The following GFRA1 variants were observed in gnomAD, a reference collection of about 807,000 sequenced individuals.
The protein encoded by GFRA1 is GDNF family receptor alpha-1.
GFRA1 carries 16 observed loss-of-function variants against 51.6 expected under a neutral mutation model. That is an observed-to-expected ratio of 0.31 (90% CI 0.21 to 0.47). The LOEUF (loss-of-function observed/expected upper bound fraction) is 0.47. Among genes scored for constraint, GFRA1 ranks in the 20% least tolerant of loss-of-function variants. The pLI, the probability that GFRA1 is intolerant of heterozygous loss-of-function variation, is 1.00. For synonymous variants in GFRA1, 270 were observed against 241.3 expected (o/e 1.12, Z -1.10); for missense variants, 530 against 594.3 (o/e 0.89, Z 1.13).
intron 6 of GFRA1, among the ~76,000 whole-genome samples, chr10:116,114,566 T>G (rs1233342310): frequency 6.6e-6 from 1 of 152,160 alleles, no homozygotes; most frequent in Non-Finnish European, 1.5e-5. Context: ...TTAATTTTTA[T>G]TTTTAATTTT....
chr10:116,253,344 A>G (rs1466377163), intron 4 of GFRA1, among the ~76,000 whole-genome samples: 4 of 152,190 alleles, frequency 2.6e-5, no homozygotes, highest in African/African-American at 9.6e-5. Context: ...GCGGTGGCTC[A>G]TGCCTGTAAA....
chr10:116,088,120 C>T (rs1956173295), intron 9 of GFRA1, among the ~76,000 whole-genome samples: 2 of 152,200 alleles, frequency 1.3e-5, no homozygotes, highest in South Asian at 2.1e-4. Flanking sequence ...AGGACAGAGA[C>T]ATAAGCTCAG....
chr10:116,257,259 G>A (rs553306833), intron 4 of GFRA1, among the ~76,000 whole-genome samples: 1 of 152,222 alleles, frequency 6.6e-6, no homozygotes, highest in South Asian at 2.1e-4. Flanking sequence ...GTCCCTGTCT[G>A]CTCTGCTGTC....
At chr10:116,096,198 A>G (rs1291538932) in intron 7 of GFRA1, among the ~76,000 whole-genome samples, 1 of 152,158 alleles carries the variant, frequency 6.6e-6, no homozygotes, top group Non-Finnish European at 1.5e-5. Context: ...GGGCCCCTGT[A>G]TTTAGGGTTT....
intron 5 of GFRA1, among the ~76,000 whole-genome samples, chr10:116,190,100 G>C (rs3781547): frequency 0.18 from 27,170 of 152,104 alleles, 2,605 homozygotes; most frequent in Admixed American, 0.28. Flanking sequence ...AGCCAACATG[G>C]CACTGGACAC....
At chr10:116,065,726 A>G in intron 9 of GFRA1, 100 bp from the exon 10 acceptor site, 1 of 866,064 alleles carries the variant, frequency 1.2e-6, no homozygotes, top group Non-Finnish European at 1.9e-6. Context: ...TCTGATAAAT[A>G]TGTGAGACAC....
chr10:116,088,161 G>C (rs1956174563), intron 9 of GFRA1, among the ~76,000 whole-genome samples: 1 of 152,146 alleles, frequency 6.6e-6, no homozygotes, highest in African/African-American at 2.4e-5. Context: ...CCAAGATGAA[G>C]AGGGGTCTCG....
rs188367028 is a variant in GFRA1 at position 116,070,136 on chromosome 10, A to G, written c.1198-4510T>C. The stretch of plus-strand genomic sequence containing the variant: ...CAACAGACTGTCCAGTCTGCAGCCA[A>G]ATAGTCATAATTAATGATGCTCTGG... On this transcript the variant is annotated intron_variant, in intron 9 of 10. Coordinates refer to ENST00000355422, the MANE Select transcript of GFRA1 (RefSeq NM_005264.8). 2.7e-3 allele frequency among the ~76,000 whole-genome samples: 418 copies of G among 152,312 alleles called. 5 individuals carry two copies. Among genetic ancestry groups the G allele is most frequent in the Admixed American group, 2.9e-3 (44 of 15,304 alleles).
At chr10:116,174,074 C>G (rs574698728) in intron 5 of GFRA1, among the ~76,000 whole-genome samples, 1 of 151,824 alleles carries the variant, frequency 6.6e-6, no homozygotes, top group East Asian at 1.9e-4. Flanking sequence ...GAGCGAAACT[C>G]CATTTCAAAA....
At chr10:116,240,302 C>T (rs1335365074) in intron 4 of GFRA1, among the ~76,000 whole-genome samples, 5 of 152,042 alleles carry the variant, frequency 3.3e-5, no homozygotes, top group African/African-American at 9.7e-5. Flanking sequence ...GACCTCTCAA[C>T]GCCGTGCTCC....
chr10:116,166,893 G>A lies in GFRA1; in HGVS notation c.434-41336C>T, dbSNP rs1023100986. On this transcript the variant is annotated intron_variant, in intron 5 of 10. Coordinates refer to ENST00000355422, the MANE Select transcript of GFRA1 (RefSeq NM_005264.8). ...CGGCACACTGCAAGCTCCGCCTCCC[G>A]GGTTCACGCCATTCTCCTGCCTCAG... 3.7e-5 allele frequency among the ~76,000 whole-genome samples: 5 copies of A among 136,374 alleles called. No homozygotes were observed. In the East Asian group the frequency reaches 1.2e-3, roughly 33 times the overall value. The allele number at this position is 136,374 out of a possible 152,430, so 89.5% of individuals were successfully genotyped here. A position where few individuals can be genotyped will look rare whatever the true frequency, so the allele number is the denominator to read the frequency against.
intron 4 of GFRA1, among the ~76,000 whole-genome samples, chr10:116,231,343 A>C (rs1471068573): frequency 1.3e-5 from 2 of 152,282 alleles, no homozygotes; most frequent in Admixed American, 6.5e-5. Flanking sequence ...CAGTTTCTTC[A>C]TGTCTTACAT....
At chr10:116,072,376 C>G (rs989218550) in intron 9 of GFRA1, among the ~76,000 whole-genome samples, 1 of 152,062 alleles carries the variant, frequency 6.6e-6, no homozygotes, top group African/African-American at 2.4e-5. Context: ...GCTTCTATGG[C>G]GAGCTGGCTA....
chr10:116,268,072 T>C (rs2577358), intron 4 of GFRA1, among the ~76,000 whole-genome samples: 29,988 of 152,126 alleles, frequency 0.2, 3,389 homozygotes, highest in East Asian at 0.33. Context: ...TGTTAAAATG[T>C]GTATTCTGAT....
At chr10:116,191,934 C>T (rs1419234424) in intron 5 of GFRA1, among the ~76,000 whole-genome samples, 1 of 152,022 alleles carries the variant, frequency 6.6e-6, no homozygotes, top group Non-Finnish European at 1.5e-5. Context: ...GGCTGAGACA[C>T]GAGAATAGCT....
intron 5 of GFRA1, among the ~76,000 whole-genome samples, chr10:116,210,675 C>T (rs751519260): frequency 3.3e-5 from 5 of 152,306 alleles, no homozygotes; most frequent in South Asian, 4.2e-4. Context: ...CCATAACACA[C>T]GCTGCCTGTT....
At chr10:116,262,762 A>G (rs551958472) in intron 4 of GFRA1, among the ~76,000 whole-genome samples, 1 of 152,320 alleles carries the variant, frequency 6.6e-6, no homozygotes, top group African/African-American at 2.4e-5. Flanking sequence ...ATGTAAGTGT[A>G]CTTAGCAAAG....
chr10:116,218,384 TTC>T (rs1361662505), intron 4 of GFRA1, among the ~76,000 whole-genome samples: 5 of 152,208 alleles, frequency 3.3e-5, no homozygotes, highest in African/African-American at 1.2e-4. Context: ...AAGAGAGCTG[TTC>T]TGTTCTCTAT....
rs143963134 is a variant in GFRA1, at chr10:116,097,037, A to G, written c.771-273T>C. On this transcript the variant is annotated intron_variant, in intron 6 of 10. Transcript: ENST00000355422. ...ATTCAGAGAGAAGTCTTCAGGGCCT[A>G]TAACTGGAGGAATCTAGAGGCTTTG... Among the ~76,000 whole-genome samples, 461 of 152,228 alleles carry G rather than the reference A, an allele frequency of 3.0e-3. 1 individual carries two copies. The highest frequency in any genetic ancestry group is 9.1e-3 in the African/African-American group (376 of 41,540).
Sources: gnomAD v4.1 joint callset for allele counts (sites outside exome capture counted in the v4.1 genomes callset) on GRCh38, gnomAD v4.1.1 for gene constraint, MANE v1.5 for transcripts, NCBI Gene and HGNC (gene_info 2026-07-23, HGNC 2026-07-21) for gene names.